The following RABGAP1L variants were observed in gnomAD, a reference collection of about 807,000 sequenced individuals.
The protein encoded by RABGAP1L is rab GTPase-activating protein 1-like.
RABGAP1L carries 63 observed loss-of-function variants against 137.7 expected under a neutral mutation model. The ratio of observed to expected loss-of-function variants is 0.46; its 90% CI spans 0.37 to 0.56. The LOEUF is 0.56. Ranked by LOEUF, RABGAP1L falls within the 20% of genes least tolerant of loss-of-function variation. The pLI, the probability that RABGAP1L is intolerant of heterozygous loss-of-function variation, is 0.00. For missense variants in RABGAP1L, 1,095 were observed against 1,244.0 expected, an observed-to-expected ratio of 0.88 and a Z score of 1.80; for synonymous variants, 431 against 433.7, an observed-to-expected ratio of 0.99 and a Z score of 0.08.
At chr1:174,800,178 G>C in intron 18 of RABGAP1L, 2 of 1,397,128 alleles carry the variant, frequency 1.4e-6, no homozygotes, top group South Asian at 1.7e-5. Flanking sequence ...TAGCCAAAAT[G>C]TTTTTCTTGT....
At chr1:174,672,115 T>G (rs2148448998) in intron 14 of RABGAP1L, among the ~76,000 whole-genome samples, 1 of 152,242 alleles carries the variant, frequency 6.6e-6, no homozygotes, top group South Asian at 2.1e-4. Flanking sequence ...CGTTGGCATA[T>G]AATTGTTCAT....
intron 18 of RABGAP1L, among the ~76,000 whole-genome samples, chr1:174,781,325 GA>G (rs1686987770): frequency 6.6e-6 from 1 of 152,210 alleles, no homozygotes; most frequent in African/African-American, 2.4e-5. Flanking sequence ...GGCCAGTGAT[GA>G]TGAGCATTTT....
intron 13 of RABGAP1L, among the ~76,000 whole-genome samples, chr1:174,540,889 T>G (rs1486423719): frequency 6.6e-6 from 1 of 152,232 alleles, no homozygotes; most frequent in East Asian, 1.9e-4. Flanking sequence ...TTGGGCAATA[T>G]GGACATTTTC....
At chr1:174,468,253 CAAAT>C (rs1184303317) in intron 13 of RABGAP1L, among the ~76,000 whole-genome samples, 1 of 151,980 alleles carries the variant, frequency 6.6e-6, no homozygotes, top group African/African-American at 2.4e-5. Context: ...TTAGGATAAA[CAAAT>C]AGAGATTTCA....
At chr1:174,750,486 A>C (rs1684263362) in intron 17 of RABGAP1L, among the ~76,000 whole-genome samples, 1 of 152,204 alleles carries the variant, frequency 6.6e-6, no homozygotes, top group Admixed American at 6.5e-5. Context: ...AAGAAATGAG[A>C]ATCATTGTAT....
At chr1:174,939,545 C>T (rs1246906770) in intron 19 of RABGAP1L, among the ~76,000 whole-genome samples, 1 of 105,510 alleles carries the variant, frequency 9.5e-6, no homozygotes, top group Admixed American at 9.7e-5. Context: ...GACTCTGTCT[C>T]ACAAAAAAAA....
At chr1:174,328,012 T>TATATATATATACAC in intron 11 of RABGAP1L, among the ~76,000 whole-genome samples, 1 of 120,964 alleles carries the variant, frequency 8.3e-6, no homozygotes, top group East Asian at 2.1e-4. Context: ...TATATATATA[T>TATATATATATACAC]ATATATATAT....
intron 10 of RABGAP1L, among the ~76,000 whole-genome samples, chr1:174,304,363 ATATT>A (rs1452350050): frequency 6.6e-5 from 10 of 151,882 alleles, no homozygotes; most frequent in South Asian, 2.1e-4. Flanking sequence ...ATTTGAATAT[ATATT>A]TATTTGAAAT....
At position 174,363,132 on chromosome 1, in the gene RABGAP1L, T is replaced by C. The variant is rs144125792; in HGVS notation, c.1466-7847T>C. On this transcript the variant is annotated intron_variant, in intron 11 of 25. Transcript: ENST00000681986. Reference sequence around the variant, plus strand: ...TTCTTGGGTTCTCTATTCTGTTCCATTGGTCTATGTGTCTGTTCTTATATC... The same window carrying C: ...TTCTTGGGTTCTCTATTCTGTTCCACTGGTCTATGTGTCTGTTCTTATATC... Among the ~76,000 whole-genome samples the C allele has an allele frequency of 9.0e-3, 1,378 of 152,310 alleles. 26 individuals carry two copies. Among genetic ancestry groups the C allele is most frequent in the African/African-American group, 0.032 (1,329 of 41,564 alleles).
At chr1:174,513,157 G>A (rs1302154190) in intron 13 of RABGAP1L, among the ~76,000 whole-genome samples, 1 of 152,102 alleles carries the variant, frequency 6.6e-6, no homozygotes, top group Non-Finnish European at 1.5e-5. Flanking sequence ...ATAGCACCTA[G>A]TAAGTACTTT....
chr1:174,323,228 A>G (rs1484118160), intron 11 of RABGAP1L, among the ~76,000 whole-genome samples: 1 of 152,088 alleles, frequency 6.6e-6, no homozygotes, highest in East Asian at 1.9e-4. Flanking sequence ...TATTTTACTC[A>G]TTTTAGCCCT....
intron 14 of RABGAP1L, among the ~76,000 whole-genome samples, chr1:174,650,170 C>G (rs1375026781): frequency 6.6e-6 from 1 of 152,150 alleles, no homozygotes; most frequent in Non-Finnish European, 1.5e-5. Flanking sequence ...AGCCTTGCAT[C>G]CCAGGGATGG....
chr1:174,714,320 T>A (rs1680827535), intron 17 of RABGAP1L, among the ~76,000 whole-genome samples: 1 of 152,132 alleles, frequency 6.6e-6, no homozygotes. Flanking sequence ...CACCCTGTGG[T>A]TGGTGTTTTA....
At chr1:174,652,027 C>T (rs1226617429) in intron 14 of RABGAP1L, among the ~76,000 whole-genome samples, 2 of 152,102 alleles carry the variant, frequency 1.3e-5, no homozygotes. Flanking sequence ...TTAAGGCAGG[C>T]CTGGTGGTGA....
chr1:174,364,525 A>T (rs1249310325), intron 11 of RABGAP1L, among the ~76,000 whole-genome samples: 1 of 151,822 alleles, frequency 6.6e-6, no homozygotes, highest in African/African-American at 2.4e-5. Context: ...AAGTGCTGGG[A>T]TTACAGGCGT....
At chr1:174,808,628 G>T (rs1446630800) in intron 18 of RABGAP1L, among the ~76,000 whole-genome samples, 1 of 150,690 alleles carries the variant, frequency 6.6e-6, no homozygotes, top group Non-Finnish European at 1.5e-5. Context: ...TGTTTTTTTG[G>T]TGTGTGTGTG....
At chr1:174,405,705 C>T (rs991230644) in intron 13 of RABGAP1L, among the ~76,000 whole-genome samples, 1 of 152,050 alleles carries the variant, frequency 6.6e-6, no homozygotes, top group Admixed American at 6.6e-5. Flanking sequence ...TGGCTGGGTG[C>T]GGTGGCTCAC....
intron 11 of RABGAP1L, among the ~76,000 whole-genome samples, chr1:174,340,603 T>G (rs1175936575): frequency 6.6e-6 from 1 of 152,254 alleles, no homozygotes; most frequent in Non-Finnish European, 1.5e-5. Flanking sequence ...GGACATGATC[T>G]TGTTCCTTTT....
intron 18 of RABGAP1L, among the ~76,000 whole-genome samples, chr1:174,777,232 G>A (rs574711381): frequency 1.3e-5 from 2 of 152,112 alleles, no homozygotes; most frequent in South Asian, 4.1e-4. Flanking sequence ...ATAGCACATG[G>A]TCCAGACCTT....
Sources: gnomAD v4.1 joint callset for allele counts (sites outside exome capture counted in the v4.1 genomes callset) on GRCh38, gnomAD v4.1.1 for gene constraint, MANE v1.5 for transcripts, NCBI Gene and HGNC (gene_info 2026-07-23, HGNC 2026-07-21) for gene names.